The following L3MBTL4 variants were observed in gnomAD, a reference collection of about 807,000 sequenced individuals.
L3MBTL4 encodes the protein lethal(3)malignant brain tumor-like protein 4.
L3MBTL4 carries 70 observed loss-of-function variants against 84.5 expected under a neutral mutation model. The observed-to-expected ratio is 0.83, with a 90% CI of 0.68 to 1.01. L3MBTL4 has a LOEUF of 1.01. Among genes scored for constraint, L3MBTL4 ranks in the 50% least tolerant of loss-of-function variants. The pLI is 0.00. For missense variants in L3MBTL4, 715 were observed against 754.8 expected, an observed-to-expected ratio of 0.95 and a Z score of 0.62; for synonymous variants, 274 against 259.8, an observed-to-expected ratio of 1.05 and a Z score of -0.52.
At chr18:6,400,271 AATT>A (rs2055454616) in intron 1 of L3MBTL4, among the ~76,000 whole-genome samples, 4 of 152,236 alleles carry the variant, frequency 2.6e-5, no homozygotes, top group African/African-American at 9.6e-5. Flanking sequence ...TCTAAACCCA[AATT>A]AGTTGATAAA....
intron 16 of L3MBTL4, among the ~76,000 whole-genome samples, chr18:6,014,247 C>G (rs2054861216): frequency 2.0e-5 from 3 of 152,158 alleles, no homozygotes; most frequent in African/African-American, 7.2e-5. Context: ...CACTTCTCTA[C>G]CGTCTCTTAA....
intron 1 of L3MBTL4, among the ~76,000 whole-genome samples, chr18:6,401,567 G>A (rs1463542251): frequency 1.3e-5 from 2 of 152,148 alleles, no homozygotes; most frequent in African/African-American, 4.8e-5. Flanking sequence ...AAGTTCAAAC[G>A]AGGAAAAAGC....
chr18:6,163,266 G>GTGTGT (rs2043440119), intron 13 of L3MBTL4, among the ~76,000 whole-genome samples: 1 of 96,316 alleles, frequency 1.0e-5, no homozygotes, highest in Non-Finnish European at 2.2e-5. Flanking sequence ...GTGTGGGGGG[G>GTGTGT]GGGTGGGTGT....
At chr18:6,401,451 A>T (rs2144652060) in intron 1 of L3MBTL4, among the ~76,000 whole-genome samples, 1 of 152,322 alleles carries the variant, frequency 6.6e-6, no homozygotes, top group African/African-American at 2.4e-5. Flanking sequence ...ACTGGAATCC[A>T]ATCACACCCT....
chr18:6,034,257 A>T (rs2055992141), intron 16 of L3MBTL4, among the ~76,000 whole-genome samples: 1 of 152,038 alleles, frequency 6.6e-6, no homozygotes. Flanking sequence ...CTAACTCGTC[A>T]TCTAGCATTA....
intron 17 of L3MBTL4, among the ~76,000 whole-genome samples, chr18:5,963,525 T>TCACTCCTCTGAAAGGAGC (rs1423781773): frequency 2.6e-5 from 4 of 152,202 alleles, no homozygotes; most frequent in African/African-American, 7.2e-5. Context: ...CTCCTCGGCT[T>TCACTCCTCTGAAAGGAGC]CACACTCCTC....
intron 18 of L3MBTL4, among the ~76,000 whole-genome samples, chr18:5,958,813 G>C (rs1404305431): frequency 6.6e-6 from 1 of 152,208 alleles, no homozygotes; most frequent in Non-Finnish European, 1.5e-5. Flanking sequence ...AGGGATAAGA[G>C]GGGTTCAGCA....
At chr18:6,173,672 A>T (rs1259994678) in intron 12 of L3MBTL4, among the ~76,000 whole-genome samples, 3 of 152,076 alleles carry the variant, frequency 2.0e-5, no homozygotes, top group South Asian at 4.1e-4. Flanking sequence ...CCAGCTACTC[A>T]GGAGGCTGAA....
At chr18:6,147,011 C>T (rs1219167393) in intron 13 of L3MBTL4, among the ~76,000 whole-genome samples, 2 of 151,608 alleles carry the variant, frequency 1.3e-5, no homozygotes, top group African/African-American at 2.4e-5. Context: ...GCAGTAAGCT[C>T]GACAGCTGAG....
Position 6,266,141 on chromosome 18 carries a change from A to G in L3MBTL4, c.128-2103T>C, listed in dbSNP as rs2048622491. 2.6e-5 allele frequency among the ~76,000 whole-genome samples: 4 copies of G among 152,310 alleles called. No individual in the cohort carries two copies. In the South Asian group the frequency reaches 8.3e-4, roughly 32 times the overall value. On this transcript the variant is annotated intron_variant, in intron 4 of 18. Transcript: ENST00000317931. Reference sequence around the variant, plus strand: ...ATATATATTATACAAGTTATTCCATATATTAAGACATTCATTTATTCACAT... The same window carrying G: ...ATATATATTATACAAGTTATTCCATGTATTAAGACATTCATTTATTCACAT...
Position 5,969,535 on chromosome 18 carries a change from A to T in L3MBTL4, c.1472T>A (p.Val491Glu), listed in dbSNP as rs751992714. The change falls in exon 17 of 19, where the codon GTG (valine) becomes GAG (glutamate). Residue 491 changes from valine (V) to glutamate (E), a missense_variant. Val to Glu is a moderately radical substitution (Grantham distance 121). Coordinates refer to ENST00000317931, the MANE Select transcript of L3MBTL4 (RefSeq NM_001330559.2). ...GGACATGGACACTGACTGGTGAAGC[A>T]CCTGCTGCGCCTGCTCCACCGAGTA... ...REYSVEQAQQ[V>E]LHQSVSMSTV... is the part of the protein sequence containing the mutation. 15 of 1,610,936 alleles carry T rather than the reference A, an allele frequency of 9.3e-6. No homozygotes were observed. In the South Asian group the frequency reaches 1.7e-4, roughly 18 times the overall value.
At chr18:6,391,884 C>T (rs2055069837) in intron 1 of L3MBTL4, among the ~76,000 whole-genome samples, 1 of 151,984 alleles carries the variant, frequency 6.6e-6, no homozygotes, top group Admixed American at 6.6e-5. Context: ...ACATCACATG[C>T]TCATGGATGG....
At chr18:6,333,206 A>G (rs149411138) in intron 1 of L3MBTL4, among the ~76,000 whole-genome samples, 268 of 152,340 alleles carry the variant, frequency 1.8e-3, no homozygotes, top group African/African-American at 6.1e-3. Context: ...GTAGGAATCA[A>G]TAATAATGAT....
chr18:5,962,164 A>G (rs6506352), intron 17 of L3MBTL4, among the ~76,000 whole-genome samples: 55,790 of 151,536 alleles, frequency 0.37, 10,515 homozygotes, highest in East Asian at 0.5. Context: ...GTGTTCAAAC[A>G]TGCTAACACC....
At chr18:6,040,863 A>G (rs776489411) in intron 16 of L3MBTL4, among the ~76,000 whole-genome samples, 14 of 152,212 alleles carry the variant, frequency 9.2e-5, no homozygotes, top group Non-Finnish European at 1.8e-4. Flanking sequence ...GTAGGGTCAC[A>G]GGGGAGGAGA....
intron 16 of L3MBTL4, among the ~76,000 whole-genome samples, chr18:6,064,878 A>C (rs936196152): frequency 4.6e-5 from 7 of 151,974 alleles, no homozygotes; most frequent in Admixed American, 1.3e-4. Flanking sequence ...TAGGACTTCC[A>C]GTATTATGTT....
chr18:6,275,679 A>C (rs2049050194), intron 4 of L3MBTL4, among the ~76,000 whole-genome samples: 1 of 152,226 alleles, frequency 6.6e-6, no homozygotes, highest in Admixed American at 6.5e-5. Context: ...CAATCACGAC[A>C]TTGCATTAAT....
chr18:6,095,416 T>G (rs112608054), intron 14 of L3MBTL4, among the ~76,000 whole-genome samples: 5,496 of 148,184 alleles, frequency 0.037, 327 homozygotes, highest in African/African-American at 0.13. Context: ...GGTGCGATGA[T>G]CTCGGCTCAC....
At chr18:6,343,599 T>C (rs964785068) in intron 1 of L3MBTL4, among the ~76,000 whole-genome samples, 6 of 150,906 alleles carry the variant, frequency 4.0e-5, no homozygotes, top group Non-Finnish European at 8.8e-5. Flanking sequence ...GAGGCAGAGC[T>C]TGCAGCGAGT....
Sources: allele counts gnomAD v4.1 joint callset (sites outside exome capture counted in the v4.1 genomes callset), GRCh38; gene constraint gnomAD v4.1.1; transcripts MANE v1.5; gene names NCBI Gene and HGNC (gene_info 2026-07-23, HGNC 2026-07-21).